The following TNRC18 variants were observed in gnomAD, a reference collection of about 807,000 sequenced individuals.
The protein encoded by TNRC18 is trinucleotide repeat-containing gene 18 protein.
In TNRC18, 69 loss-of-function variants were observed where a neutral mutation model predicts 226.7. The ratio of observed to expected loss-of-function variants is 0.30; its 90% CI spans 0.25 to 0.37. TNRC18 has a LOEUF of 0.37. TNRC18 is among the 10% of genes least tolerant of loss of function. The probability of loss-of-function intolerance (pLI) is 1.00; values close to 1 mark genes in which losing one functional copy is unlikely to be tolerated. For missense variants in TNRC18, 4,754 were observed against 4,256.6 expected (o/e 1.12, Z -3.25); for synonymous variants, 2,449 against 1,927.6 (o/e 1.27, Z -7.09).
In TNRC18 at chr7:5,333,046, G is replaced by C. The variant is rs750153446; in HGVS notation, c.5723C>G (p.Thr1908Arg). 4 of 1,572,790 alleles carry C rather than the reference G, an allele frequency of 2.5e-6. No homozygotes were observed. Among genetic ancestry groups the C allele is most frequent in the Non-Finnish European group, 3.4e-6 (4 of 1,167,412 alleles). Residue 1908 changes from threonine (T) to arginine (R), a missense_variant, in exon 19 of 30, where the codon ACA becomes AGA. Physicochemically the swap from Thr to Arg is moderately conservative, Grantham distance 71. Coordinates refer to ENST00000430969, the MANE Select transcript of TNRC18 (RefSeq NM_001080495.3). ...KKEERQSLLG[T>R]EFEYTDSESE... The stretch of plus-strand genomic sequence containing the variant: ...CTCTGAGTCGGTGTACTCGAACTCT[G>C]TGCCTGAACGCGGGAGGAGGGCGTG...
chr7:5,307,982 CCATGCACACGCCTGCAGGAGCGCTCG>C lies in TNRC18; in HGVS notation c.*98_*123del, dbSNP rs1334578427. On this transcript the variant is annotated 3_prime_UTR_variant, in exon 30 of 30. Transcript: ENST00000430969. ...CGGGCATCCACGTGCACACCTGGCCCCATGCACACGCCTGCAGGAGCGCTCGCATGCACACAACGCACGTGGTCTCC... is the reference window on the plus strand; with the variant it reads ...CGGGCATCCACGTGCACACCTGGCCCCATGCACACAACGCACGTGGTCTCC... The C allele has an allele frequency of 9.3e-6, 8 of 863,682 alleles. No individual in the cohort carries two copies. The highest frequency in any genetic ancestry group is 8.3e-5 in the South Asian group (5 of 60,560). 53.5% of individuals were successfully genotyped at this position (863,682 alleles called of 1,614,324 possible).
intron 18 of TNRC18, among the ~76,000 whole-genome samples, chr7:5,344,198 A>C (rs1234342393): frequency 6.6e-6 from 1 of 152,202 alleles, no homozygotes; most frequent in Non-Finnish European, 1.5e-5. Context: ...TGGCTGGTGC[A>C]TTTAGGGGCT....
At chr7:5,421,936 G>T (rs542268165) in intron 1 of TNRC18, among the ~76,000 whole-genome samples, 2 of 152,224 alleles carry the variant, frequency 1.3e-5, no homozygotes, top group Non-Finnish European at 2.9e-5. Context: ...TATCTGATCC[G>T]CAAAGTTTAA....
chr7:5,366,313 T>TA (rs1491090673), intron 11 of TNRC18, among the ~76,000 whole-genome samples: 1 of 131,442 alleles, frequency 7.6e-6, no homozygotes, highest in East Asian at 2.2e-4. Context: ...TTGCTCTTCT[T>TA]ATATCTTTTT....
intron 17 of TNRC18, among the ~76,000 whole-genome samples, chr7:5,351,168 C>G (rs913667554): frequency 3.3e-5 from 5 of 151,916 alleles, no homozygotes; most frequent in East Asian, 1.9e-4. Flanking sequence ...GGCACGGTCC[C>G]GTCCCTACTC....
At chr7:5,360,510 G>A (rs1008906365) in intron 14 of TNRC18, among the ~76,000 whole-genome samples, 1 of 152,160 alleles carries the variant, frequency 6.6e-6, no homozygotes, top group East Asian at 1.9e-4. Flanking sequence ...GATTACAGGC[G>A]TGAGCCACCG....
intron 18 of TNRC18, 38 bp downstream of exon 18, chr7:5,345,524 C>CCCCCCCCCCCCCCCCCCCCA: frequency 5.5e-6 from 1 of 182,374 alleles, no homozygotes; most frequent in Non-Finnish European, 1.2e-5. Context: ...TCCGCCCCTC[C>CCCCCCCCCCCCCCCCCCCCA]CACCCACCCC....
intron 18 of TNRC18, among the ~76,000 whole-genome samples, chr7:5,338,424 T>C (rs182551018): frequency 2.0e-5 from 3 of 152,032 alleles, no homozygotes; most frequent in African/African-American, 4.8e-5. Context: ...ACAAAAATTG[T>C]TACTAGCAAC....
intron 17 of TNRC18, among the ~76,000 whole-genome samples, chr7:5,346,156 G>A (rs1014622910): frequency 1.8e-4 from 28 of 152,360 alleles, no homozygotes; most frequent in Non-Finnish European, 2.8e-4. Flanking sequence ...ACAGTCACAC[G>A]CGCACACGCC....
rs1219247584 is a variant in TNRC18, at chr7:5,324,163, A to G, written c.6442+51T>C. The stretch of plus-strand genomic sequence containing the variant: ...GCCTTGCTCAGATCTGCCTCCCCCA[A>G]GGGAGGCTCCAGCAGCCCCGCCCGG... On this transcript the variant is annotated intron_variant, in intron 21 of 29. Transcript: ENST00000430969. The surrounding 1 kb of genome is among the most constrained non-coding windows in gnomAD (Gnocchi z 4.8). The G allele has an allele frequency of 9.8e-6, 15 of 1,537,958 alleles. No individual in the cohort carries two copies. Among genetic ancestry groups the G allele is most frequent in the South Asian group, 2.4e-5 (2 of 84,746 alleles).
intron 11 of TNRC18, among the ~76,000 whole-genome samples, chr7:5,369,681 G>T (rs1307838503): frequency 6.6e-6 from 1 of 152,162 alleles, no homozygotes; most frequent in Non-Finnish European, 1.5e-5. Context: ...CCTAGATCCA[G>T]CCATACCTGA....
chr7:5,393,383 A>G (rs1050445122), intron 3 of TNRC18, among the ~76,000 whole-genome samples: 6 of 152,228 alleles, frequency 3.9e-5, no homozygotes, highest in Non-Finnish European at 5.9e-5. Flanking sequence ...TGGGCAAAGT[A>G]CTGTAAGGAC....
chr7:5,345,190 C>A (rs185892822), intron 18 of TNRC18, among the ~76,000 whole-genome samples: 2 of 152,214 alleles, frequency 1.3e-5, no homozygotes, highest in East Asian at 3.8e-4. Context: ...GGTAACCCCA[C>A]GTCTCTCTCA....
At position 5,312,819 on chromosome 7, in the gene TNRC18, G is replaced by A. The variant is rs768840123; in HGVS notation, c.8072C>T (p.Ala2691Val). Residue 2691 changes from alanine (A) to valine (V), a missense_variant, in exon 27 of 30, where the codon GCT (alanine) becomes GTT (valine). Transcript: ENST00000430969. The surrounding 1 kb of genome is among the most constrained non-coding windows in gnomAD (Gnocchi z 6.3). ...SDDEAAPAPT[A>V]GPSAQAALPT... ...GAGCGCCGCCTGCGCGGAAGGGCCA[G>A]CCGTGGGGGCGGGGGCTGCCTCATC... The A allele has an allele frequency of 3.1e-5, 47 of 1,531,412 alleles. No individual in the cohort carries two copies. In the African/African-American group the frequency reaches 5.2e-4, roughly 17 times the overall value. 94.9% of individuals were successfully genotyped at this position (1,531,412 alleles called of 1,614,324 possible). A position where few individuals can be genotyped will look rare whatever the true frequency, so the allele number is the denominator to read the frequency against.
chr7:5,345,524 C>CCCCCCCCCCCCCCCCCCA, intron 18 of TNRC18, 38 bp downstream of exon 18: 1 of 182,372 alleles, frequency 5.5e-6, no homozygotes, highest in Non-Finnish European at 1.2e-5. Flanking sequence ...TCCGCCCCTC[C>CCCCCCCCCCCCCCCCCCA]CACCCACCCC....
chr7:5,307,992 G>C lies in TNRC18; in HGVS notation c.*114C>G. 2.0e-6 allele frequency: 2 copies of C among 978,142 alleles called. No individual in the cohort carries two copies. The highest frequency in any genetic ancestry group is 3.0e-6 in the Non-Finnish European group (2 of 662,414). The allele number at this position is 978,142 out of a possible 1,614,324, so 60.6% of individuals were successfully genotyped here. A position where few individuals can be genotyped will look rare whatever the true frequency, so the allele number is the denominator to read the frequency against. ...CGTGCACACCTGGCCCCATGCACAC[G>C]CCTGCAGGAGCGCTCGCATGCACAC... On this transcript the variant is annotated 3_prime_UTR_variant, in exon 30 of 30. Coordinates refer to ENST00000430969, the MANE Select transcript of TNRC18 (RefSeq NM_001080495.3).
Position 5,388,132 on chromosome 7 carries a change from G to A in TNRC18, c.1692C>T (p.Thr564=). ...PGAVLPRSAA[T]CGRPVADMHS... ...GCATGTCAGCGACCGGCCGGCCGCA[G>A]GTGGCCGCCGAGCGGGGCAGCACAG... is the stretch of plus-strand genomic sequence containing the variant. The change falls in exon 5 of 30, where the codon ACC becomes ACT. Residue 564 remains threonine (T), a synonymous_variant. Coordinates refer to ENST00000430969, the MANE Select transcript of TNRC18 (RefSeq NM_001080495.3). 1 of 1,557,166 alleles carries A rather than the reference G, an allele frequency of 6.4e-7. No individual in the cohort carries two copies. The highest frequency in any genetic ancestry group is 8.7e-7 in the Non-Finnish European group (1 of 1,151,996).
intron 18 of TNRC18, among the ~76,000 whole-genome samples, chr7:5,339,959 T>G (rs1338656242): frequency 2.0e-5 from 3 of 152,034 alleles, no homozygotes. Context: ...CTCCCTCTCC[T>G]TGGGCCTCCC....
chr7:5,325,724 ATTTTT>A (rs66514806), intron 19 of TNRC18: 15 of 62,852 alleles, frequency 2.4e-4, no homozygotes, highest in Middle Eastern at 0.011. Flanking sequence ...GCGCCCTGCA[ATTTTT>A]TTTTTTTTTT....
Sources: gnomAD v4.1 joint callset for allele counts (sites outside exome capture counted in the v4.1 genomes callset) on GRCh38, gnomAD v4.1.1 for gene constraint, Gnocchi (gnomAD v3.1) non-coding constraint, MANE v1.5 for transcripts, NCBI Gene and HGNC (gene_info 2026-07-23, HGNC 2026-07-21) for gene names.